Variants in PHKA2 observed in about 807,000 individuals in gnomAD.
The protein encoded by PHKA2 is phosphorylase kinase regulatory subunit alpha 2, also known as phosphorylase b kinase regulatory subunit alpha, liver isoform.
Under a neutral mutation model 102.0 loss-of-function variants are expected in PHKA2, and 31 were observed. The ratio of observed to expected loss-of-function variants is 0.30; its 90% CI spans 0.23 to 0.41. PHKA2 has a LOEUF of 0.41. Among genes scored for constraint, PHKA2 ranks in the 10% least tolerant of loss-of-function variants. PHKA2 has a pLI of 1.00. For missense variants in PHKA2, 858 were observed against 1,023.1 expected, an observed-to-expected ratio of 0.84 and a Z score of 2.20; for synonymous variants, 455 against 416.2, an observed-to-expected ratio of 1.09 and a Z score of -1.13.
At chrX:18,908,711 C>T (rs930247470) in intron 21 of PHKA2, 90 bp downstream of exon 21, 9 of 846,871 alleles carry the variant, frequency 1.1e-5, no homozygotes, top group Middle Eastern at 3.8e-4. Flanking sequence ...TCCCAGCCTC[C>T]GGAACTGTGA....
chrX:18,938,391 C>T (rs2048427500), intron 10 of PHKA2, among the ~76,000 whole-genome samples: 1 of 113,291 alleles, frequency 8.8e-6, no homozygotes, highest in East Asian at 2.8e-4. Flanking sequence ...TCCCAGCTGA[C>T]AGCAGGTAAA....
intron 19 of PHKA2, among the ~76,000 whole-genome samples, chrX:18,917,920 T>C (rs1304549680): frequency 9.0e-6 from 1 of 110,669 alleles, no homozygotes; most frequent in African/African-American, 3.3e-5. Context: ...CACTTCACTT[T>C]TTTTTTTTTG....
rs866952711 is a variant in PHKA2 at position 18,919,746 on chromosome X, A to G, written c.1963+286T>C. Among the ~76,000 whole-genome samples the G allele has an allele frequency of 4.2e-3, 431 of 103,202 alleles. 3 individuals carry two copies. Among genetic ancestry groups the G allele is most frequent in the African/African-American group, 0.014 (376 of 26,923 alleles). 89.6% of individuals were successfully genotyped at this position (103,202 alleles called of 115,157 possible). A position where few individuals can be genotyped will look rare whatever the true frequency, so the allele number is the denominator to read the frequency against. ...ACAACAACAAAAAAAAAAAAAAAAA[A>G]AGAGAGAGAGAGAAGAAAAAAAAGA... On this transcript the variant is annotated intron_variant, in intron 18 of 32. Transcript: ENST00000379942.
chrX:18,965,134 G>A lies in PHKA2; in HGVS notation c.79-10722C>T, dbSNP rs756431063. ...TCCCCACGCTCATCTTAAAACTTTC[G>A]AAACTCACACAAACCGCTCTGGGCT... is the stretch of plus-strand genomic sequence containing the variant. On this transcript the variant is annotated intron_variant, in intron 1 of 32. Transcript: ENST00000379942. Among the ~76,000 whole-genome samples the A allele has an allele frequency of 2.7e-5, 3 of 111,954 alleles. No homozygotes were observed. In the South Asian group the frequency reaches 1.1e-3, roughly 41 times the overall value.
At chrX:18,917,262 T>C (rs1259195808) in intron 19 of PHKA2, among the ~76,000 whole-genome samples, 3 of 100,650 alleles carry the variant, frequency 3.0e-5, no homozygotes, top group African/African-American at 1.1e-4. Flanking sequence ...AAAAATGTCT[T>C]TTTTTTTTTT....
Position 18,944,983 on chromosome X carries a change from T to C in PHKA2, c.618+95A>G, listed in dbSNP as rs2048555089. Reference sequence around the variant, plus strand: ...ATCCTTGATGCTGACTTTTGACAAATATGCTAATCAGATTAAATACAAACT... The same window carrying C: ...ATCCTTGATGCTGACTTTTGACAAACATGCTAATCAGATTAAATACAAACT... On this transcript the variant is annotated intron_variant, in intron 6 of 32. Transcript: ENST00000379942. The C allele has an allele frequency of 1.2e-4, 71 of 612,291 alleles. No individual in the cohort carries two copies. The South Asian group carries it at 1.5e-3, about 13-fold the overall frequency. The allele number at this position is 612,291 out of a possible 1,213,427, so 50.5% of individuals were successfully genotyped here.
chrX:18,954,292 G>T lies in PHKA2; in HGVS notation c.199C>A (p.Arg67Ser). ...TAGGCCTTGGCCTTGTCCTCATCGC[G>T]GTCTGCATTCTTACGGTAGGCCATG... is the stretch of plus-strand genomic sequence containing the variant. ...LGMAYRKNAD[R>S]DEDKAKAYEL... Residue 67 changes from arginine to serine, a missense_variant, in exon 2 of 33, where the codon CGC becomes AGC. By Grantham distance (110) the Arg-to-Ser change is moderately radical. Around this residue, in one of 2 missense-constraint regions of PHKA2, gnomAD observed 187 missense variants for 277.9 expected, o/e 0.67. Coordinates refer to ENST00000379942, the MANE Select transcript of PHKA2 (RefSeq NM_000292.3). The T allele has an allele frequency of 8.3e-7, 1 of 1,211,572 alleles. No homozygotes were observed. Among genetic ancestry groups the T allele is most frequent in the Non-Finnish European group, 1.1e-6 (1 of 895,249 alleles).
intron 11 of PHKA2, among the ~76,000 whole-genome samples, chrX:18,932,061 A>T (rs757451407): frequency 8.9e-6 from 1 of 112,632 alleles, no homozygotes; most frequent in East Asian, 2.8e-4. Context: ...CTCATGGCTC[A>T]TGCTTACAAT....
intron 1 of PHKA2, among the ~76,000 whole-genome samples, chrX:18,974,674 T>C (rs1240643217): frequency 9.0e-6 from 1 of 111,680 alleles, no homozygotes; most frequent in African/African-American, 3.3e-5. Flanking sequence ...GCCACCTTCT[T>C]GCTGTGAGCT....
intron 4 of PHKA2, among the ~76,000 whole-genome samples, chrX:18,949,678 CTA>C (rs1421907060): frequency 2.7e-5 from 3 of 112,264 alleles, no homozygotes; most frequent in African/African-American, 9.7e-5. Flanking sequence ...AATAAAAAGA[CTA>C]TGTTTATGTG....
At position 18,945,129 on chromosome X, in the gene PHKA2, C is replaced by T; in HGVS notation, c.567G>A (p.Lys189=). 2 of 1,199,039 alleles carry T rather than the reference C, an allele frequency of 1.7e-6. No homozygotes were observed. The highest frequency in any genetic ancestry group is 2.3e-6 in the Non-Finnish European group (2 of 883,841). ...TCAATTCCGGGATGCCCTGATTAGTCTTATCTCCACGCTCCCACATTCCAT... is the reference window on the plus strand; with the variant it reads ...TCAATTCCGGGATGCCCTGATTAGTTTTATCTCCACGCTCCCACATTCCAT... ...ADYGMWERGD[K]TNQGIPELNA... The change falls in exon 6 of 33, where the codon AAG becomes AAA. Residue 189 remains lysine (K), a synonymous_variant. Coordinates refer to ENST00000379942, the MANE Select transcript of PHKA2 (RefSeq NM_000292.3).
At position 18,980,387 on chromosome X, in the gene PHKA2, C is replaced by A. The variant is rs897099494; in HGVS notation, c.78+3468G>T. ...GGAACTGAATGTCTCTGTATAAAACCCGATTGTACATTTGTTCTATTCTGA... is the reference window on the plus strand; with the variant it reads ...GGAACTGAATGTCTCTGTATAAAACACGATTGTACATTTGTTCTATTCTGA... On this transcript the variant is annotated intron_variant, in intron 1 of 32. Transcript: ENST00000379942. Among the ~76,000 whole-genome samples, 3 of 112,595 alleles carry A rather than the reference C, an allele frequency of 2.7e-5. No homozygotes were observed. The Admixed American group carries it at 2.8e-4, about 11-fold the overall frequency.
In PHKA2 at chrX:18,924,372, T is replaced by C. The variant is rs2048176659; in HGVS notation, c.1714+9A>G. 2 of 1,208,483 alleles carry C rather than the reference T, an allele frequency of 1.7e-6. No individual in the cohort carries two copies. The highest frequency in any genetic ancestry group is 1.8e-5 in the African/African-American group (1 of 57,065). On this transcript the variant is annotated intron_variant, in intron 16 of 32. Transcript: ENST00000379942. ...GCAGGAGGGAGCCTGCTGAAATCCC[T>C]GGAGTTACTGAGCATGGTGCGACTG...
chrX:18,918,378 G>T (rs1471351355), intron 19 of PHKA2, among the ~76,000 whole-genome samples: 1 of 112,442 alleles, frequency 8.9e-6, no homozygotes, highest in Non-Finnish European at 1.9e-5. Flanking sequence ...GGGTTAGGGG[G>T]AGTGAAGCAG....
intron 19 of PHKA2, among the ~76,000 whole-genome samples, chrX:18,912,307 T>A (rs1383232839): frequency 9.0e-6 from 1 of 111,404 alleles, no homozygotes; most frequent in East Asian, 2.8e-4. Flanking sequence ...CAGCATAGAG[T>A]GTACTTACAC....
At chrX:18,966,702 A>G (rs892465263) in intron 1 of PHKA2, among the ~76,000 whole-genome samples, 1 of 111,793 alleles carries the variant, frequency 8.9e-6, no homozygotes, top group African/African-American at 3.3e-5. Flanking sequence ...TTATCTATGG[A>G]GTGATCCCTT....
At chrX:18,978,868 A>G (rs113983745) in intron 1 of PHKA2, among the ~76,000 whole-genome samples, 11,460 of 110,735 alleles carry the variant, frequency 0.1, 1,254 homozygotes, top group African/African-American at 0.33. Context: ...GGCCGGGAGC[A>G]GTAGCTCACA....
chrX:18,897,646 G>A, intron 29 of PHKA2: 1 of 315,404 alleles, frequency 3.2e-6, no homozygotes, highest in Non-Finnish European at 5.6e-6. Context: ...CTGCCGGAGT[G>A]CTAATCCCCA....
At chrX:18,925,905 T>C (rs1247845325) in intron 14 of PHKA2, 128 bp from the exon 15 acceptor site, 3 of 506,391 alleles carry the variant, frequency 5.9e-6, no homozygotes, top group Non-Finnish European at 3.5e-6. Flanking sequence ...GTTCTTCTAC[T>C]GCCATCATCC....
Sources: allele counts gnomAD v4.1 joint callset (sites outside exome capture counted in the v4.1 genomes callset), GRCh38; gene constraint gnomAD v4.1.1; regional missense constraint gnomAD v4.1.1; transcripts MANE v1.5; gene names NCBI Gene and HGNC (gene_info 2026-07-23, HGNC 2026-07-21).